The following NKAIN2 variants were observed in gnomAD, a reference collection of about 807,000 sequenced individuals.
The protein encoded by NKAIN2 is sodium/potassium-transporting ATPase subunit beta-1-interacting protein 2.
NKAIN2 carries 14 observed loss-of-function variants against 32.6 expected under a neutral mutation model. The ratio of observed to expected loss-of-function variants is 0.43; its 90% CI spans 0.28 to 0.67. The LOEUF is 0.67. NKAIN2 is among the 30% of genes least tolerant of loss of function. NKAIN2 has a pLI of 0.17. For missense variants in NKAIN2, 198 were observed against 258.3 expected (o/e 0.77, Z 1.60); for synonymous variants, 80 against 87.2 (o/e 0.92, Z 0.46).
At chr6:123,820,658 T>G (rs1232233371) in intron 1 of NKAIN2, among the ~76,000 whole-genome samples, 1 of 152,184 alleles carries the variant, frequency 6.6e-6, no homozygotes, top group Non-Finnish European at 1.5e-5. Flanking sequence ...CTGTACATCA[T>G]GAGTGGAGAT....
At chr6:124,333,883 C>T (rs1002104601) in intron 2 of NKAIN2, among the ~76,000 whole-genome samples, 23 of 152,068 alleles carry the variant, frequency 1.5e-4, no homozygotes, top group Non-Finnish European at 2.4e-4. Flanking sequence ...ATACTATGAC[C>T]ATATTCAGAT....
intron 3 of NKAIN2, among the ~76,000 whole-genome samples, chr6:124,613,704 C>A (rs1782778655): frequency 6.6e-6 from 1 of 152,130 alleles, no homozygotes; most frequent in African/African-American, 2.4e-5. Context: ...TGAGTTCTTA[C>A]CTTCATCAAG....
chr6:124,251,545 A>G (rs991906351), intron 1 of NKAIN2, among the ~76,000 whole-genome samples: 1 of 152,032 alleles, frequency 6.6e-6, no homozygotes, highest in Non-Finnish European at 1.5e-5. Flanking sequence ...AGAAGTAAGC[A>G]GACATTTTAC....
At chr6:123,818,370 C>G (rs1452672614) in intron 1 of NKAIN2, among the ~76,000 whole-genome samples, 3 of 144,508 alleles carry the variant, frequency 2.1e-5, no homozygotes, top group Non-Finnish European at 3.0e-5. Flanking sequence ...CACACACACA[C>G]ACACACACAC....
intron 3 of NKAIN2, among the ~76,000 whole-genome samples, chr6:124,394,658 A>C (rs1583180239): frequency 6.6e-6 from 1 of 151,996 alleles, no homozygotes; most frequent in African/African-American, 2.4e-5. Flanking sequence ...TGGCAGAAAA[A>C]AAAAAAAAAA....
chr6:124,024,472 A>G (rs1345914196), intron 1 of NKAIN2, among the ~76,000 whole-genome samples: 5 of 152,212 alleles, frequency 3.3e-5, no homozygotes, highest in African/African-American at 1.2e-4. Context: ...TTTTTAAAAA[A>G]TAAAGAAAGG....
intron 1 of NKAIN2, among the ~76,000 whole-genome samples, chr6:124,077,706 C>T (rs1783756489): frequency 1.3e-5 from 2 of 151,798 alleles, no homozygotes; most frequent in African/African-American, 4.8e-5. Context: ...AAGGAATCCT[C>T]TAGCCTCAGC....
intron 1 of NKAIN2, among the ~76,000 whole-genome samples, chr6:124,265,139 T>C (rs1794434009): frequency 6.6e-6 from 1 of 152,116 alleles, no homozygotes. Flanking sequence ...TTGAGACCTA[T>C]AGCATTTGTT....
intron 4 of NKAIN2, among the ~76,000 whole-genome samples, chr6:124,780,734 G>A (rs1187022439): frequency 1.3e-5 from 2 of 152,166 alleles, no homozygotes; most frequent in Non-Finnish European, 2.9e-5. Context: ...CACCTGATAT[G>A]AGACTTGCCT....
At chr6:124,336,679 T>G (rs530106100) in intron 2 of NKAIN2, among the ~76,000 whole-genome samples, 10 of 29,588 alleles carry the variant, frequency 3.4e-4, no homozygotes, top group South Asian at 3.1e-3. Context: ...TTTTTTTTTG[T>G]TTGTTTTTTT....
intron 1 of NKAIN2, among the ~76,000 whole-genome samples, chr6:123,937,757 T>G (rs375629265): frequency 1.3e-5 from 2 of 152,074 alleles, no homozygotes; most frequent in Admixed American, 6.6e-5. Context: ...GAGCCCAATT[T>G]GTTTGGGGTA....
intron 1 of NKAIN2, among the ~76,000 whole-genome samples, chr6:123,983,112 A>T (rs1482705225): frequency 6.6e-6 from 1 of 152,106 alleles, no homozygotes; most frequent in East Asian, 1.9e-4. Context: ...TAGTAGGGCT[A>T]TTAACTATGA....
chr6:123,815,793 G>A (rs1270490524), intron 1 of NKAIN2, among the ~76,000 whole-genome samples: 1 of 152,110 alleles, frequency 6.6e-6, no homozygotes, highest in East Asian at 1.9e-4. Context: ...AAAGATATAT[G>A]TATACACACA....
At chr6:124,024,370 G>A (rs1029152610) in intron 1 of NKAIN2, among the ~76,000 whole-genome samples, 14 of 152,182 alleles carry the variant, frequency 9.2e-5, no homozygotes, top group African/African-American at 2.6e-4. Context: ...AATGCATAAC[G>A]TGAATTTTAG....
chr6:124,236,956 A>G (rs1792802477), intron 1 of NKAIN2, among the ~76,000 whole-genome samples: 1 of 152,190 alleles, frequency 6.6e-6, no homozygotes, highest in Admixed American at 6.5e-5. Context: ...AAAAAGGAAC[A>G]TATAAAATAT....
intron 4 of NKAIN2, among the ~76,000 whole-genome samples, chr6:124,755,009 A>T (rs796630353): frequency 1.5e-4 from 23 of 152,234 alleles, no homozygotes; most frequent in African/African-American, 5.3e-4. Context: ...ATTAGGGAGA[A>T]TTGGCTCACA....
intron 3 of NKAIN2, among the ~76,000 whole-genome samples, chr6:124,629,370 C>A (rs1185457648): frequency 3.3e-5 from 5 of 152,126 alleles, no homozygotes; most frequent in Non-Finnish European, 5.9e-5. Context: ...GACAGTTTAG[C>A]TGTTGCCTTT....
At position 124,001,369 on chromosome 6, in the gene NKAIN2, G is replaced by A. The variant is rs569133298; in HGVS notation, c.54+197115G>A. On this transcript the variant is annotated intron_variant, in intron 1 of 6. Coordinates refer to ENST00000368417, the MANE Select transcript of NKAIN2 (RefSeq NM_001040214.3). ...TTTATAGTATATGTGGGCTGGTAAG[G>A]ACAATTATAGAACATTTCAGTTATC... Among the ~76,000 whole-genome samples the A allele has an allele frequency of 2.9e-4, 44 of 151,986 alleles. No homozygotes were observed. The South Asian group carries it at 7.5e-3, about 26-fold the overall frequency.
At chr6:124,758,555 T>C (rs1336129844) in intron 4 of NKAIN2, among the ~76,000 whole-genome samples, 1 of 152,134 alleles carries the variant, frequency 6.6e-6, no homozygotes, top group Non-Finnish European at 1.5e-5. Flanking sequence ...CTGAACAGAC[T>C]AAGACATCAA....
Sources: allele counts gnomAD v4.1 joint callset (sites outside exome capture counted in the v4.1 genomes callset), GRCh38; gene constraint gnomAD v4.1.1; transcripts MANE v1.5; gene names NCBI Gene and HGNC (gene_info 2026-07-23, HGNC 2026-07-21).